Variants in ASIP observed in about 807,000 individuals in gnomAD.
ASIP encodes the protein agouti signaling protein.
Under a neutral mutation model 10.3 loss-of-function variants are expected in ASIP, and 11 were observed. That is an observed-to-expected ratio of 1.07 (90% CI 0.68 to 1.78). The LOEUF (loss-of-function observed/expected upper bound fraction) is 1.78. ASIP is among the 40% of genes most tolerant of loss of function. The pLI is 0.00. For missense variants in ASIP, 180 were observed against 169.2 expected (o/e 1.06, Z -0.35); for synonymous variants, 70 against 70.8 (o/e 0.99, Z 0.06).
intron 1 of ASIP, among the ~76,000 whole-genome samples, chr20:34,250,733 G>A (rs888115525): frequency 6.6e-6 from 1 of 152,100 alleles, no homozygotes; most frequent in African/African-American, 2.4e-5. Context: ...GGAGGTGGAG[G>A]TGCCTTTGCC....
intron 1 of ASIP, among the ~76,000 whole-genome samples, chr20:34,252,814 G>A (rs902506078): frequency 2.6e-5 from 4 of 152,192 alleles, no homozygotes; most frequent in South Asian, 2.1e-4. Context: ...AGGTCCCTGC[G>A]GACATTGTGT....
chr20:34,235,243 C>T (rs528965792), intron 1 of ASIP, among the ~76,000 whole-genome samples: 177 of 152,144 alleles, frequency 1.2e-3, no homozygotes, highest in Non-Finnish European at 2.3e-3. Flanking sequence ...AGTTTGAGAC[C>T]AGCCTGATCA....
chr20:34,256,202 G>A (rs996321661), intron 1 of ASIP, among the ~76,000 whole-genome samples: 4 of 152,222 alleles, frequency 2.6e-5, no homozygotes, highest in Non-Finnish European at 5.9e-5. Flanking sequence ...TGGTGGACAC[G>A]TGACTTGTGT....
At chr20:34,238,928 C>A (rs916168350), upstream of ASIP, among the ~76,000 whole-genome samples, 6 of 152,166 alleles carry the variant, frequency 3.9e-5, no homozygotes, top group African/African-American at 1.4e-4. Flanking sequence ...CTTCAATAGA[C>A]TCCATGGCTT....
At chr20:34,266,091 C>T (rs1003639595) in intron 3 of ASIP, among the ~76,000 whole-genome samples, 5 of 147,588 alleles carry the variant, frequency 3.4e-5, no homozygotes, top group African/African-American at 2.5e-5. Flanking sequence ...CGGTGGCTCA[C>T]GCCTATAATC....
chr20:34,191,921 G>T (rs2034826556), upstream of ASIP, among the ~76,000 whole-genome samples: 1 of 152,048 alleles, frequency 6.6e-6, no homozygotes, highest in Admixed American at 6.5e-5. Flanking sequence ...AATAGAGACG[G>T]GGTTTCACCA....
At chr20:34,210,599 C>T (rs1034642020) in intron 1 of ASIP, among the ~76,000 whole-genome samples, 1 of 152,228 alleles carries the variant, frequency 6.6e-6, no homozygotes, top group African/African-American at 2.4e-5. Flanking sequence ...CAAGCACAAC[C>T]TGCCAGGCTG....
At chr20:34,219,127 G>A (rs1349800696) in intron 1 of ASIP, among the ~76,000 whole-genome samples, 1 of 152,134 alleles carries the variant, frequency 6.6e-6, no homozygotes, top group East Asian at 1.9e-4. Context: ...TAGACTCAAA[G>A]CTCCTAGGGA....
chr20:34,221,077 G>C (rs1315850443), intron 1 of ASIP, among the ~76,000 whole-genome samples: 1 of 150,668 alleles, frequency 6.6e-6, no homozygotes, highest in African/African-American at 2.5e-5. Context: ...AGAGGATGTT[G>C]AAAGGGAAAC....
chr20:34,190,669 C>T (rs184108326), upstream of ASIP, among the ~76,000 whole-genome samples: 1 of 152,298 alleles, frequency 6.6e-6, no homozygotes, highest in Non-Finnish European at 1.5e-5. Context: ...TGTATCTCAT[C>T]AAGGTTTCTG....
intron 1 of ASIP, chr20:34,245,806 G>T: frequency 1.2e-6 from 1 of 808,720 alleles, no homozygotes; most frequent in Non-Finnish European, 1.5e-6. Flanking sequence ...CAGTGAAAAT[G>T]CCAAGGACGA....
chr20:34,211,765 G>A (rs2034976434), intron 1 of ASIP, among the ~76,000 whole-genome samples: 1 of 152,132 alleles, frequency 6.6e-6, no homozygotes, highest in African/African-American at 2.4e-5. Context: ...TTAGCAGTCA[G>A]TCTTACTTTT....
intron 1 of ASIP, among the ~76,000 whole-genome samples, chr20:34,211,193 C>G (rs1379549241): frequency 6.6e-6 from 1 of 152,044 alleles, no homozygotes; most frequent in East Asian, 1.9e-4. Context: ...CCATGCCTGG[C>G]TCGATTTTTA....
intron 1 of ASIP, among the ~76,000 whole-genome samples, chr20:34,255,104 C>A (rs946143407): frequency 2.6e-5 from 4 of 152,128 alleles, no homozygotes; most frequent in Non-Finnish European, 4.4e-5. Context: ...TGATGGTGAA[C>A]TGAGCTTGTA....
chr20:34,260,028 T>C (rs947007252), intron 1 of ASIP, among the ~76,000 whole-genome samples: 1 of 152,012 alleles, frequency 6.6e-6, no homozygotes, highest in Admixed American at 6.6e-5. Flanking sequence ...TGCCCAGGCC[T>C]GGGGTCTCCT....
At chr20:34,268,866 G>GGTGGGCA (rs1229092487) in intron 3 of ASIP, 125 bp from the exon 4 acceptor site, 1 of 1,219,618 alleles carries the variant, frequency 8.2e-7, no homozygotes, top group Non-Finnish European at 1.2e-6. Flanking sequence ...GGCGGTGGGC[G>GGTGGGCA]GTGGGCAAGC....
intron 1 of ASIP, among the ~76,000 whole-genome samples, chr20:34,198,698 C>A (rs796240542): frequency 3.3e-5 from 5 of 152,164 alleles, no homozygotes; most frequent in African/African-American, 1.2e-4. Context: ...GTTGCCCAGG[C>A]TGGTCTCTAA....
intron 1 of ASIP, among the ~76,000 whole-genome samples, chr20:34,201,002 TTCCTTCCTTCCTTCC>T (rs2034891185): frequency 1.5e-5 from 1 of 68,572 alleles, no homozygotes; most frequent in Non-Finnish European, 2.4e-5. Flanking sequence ...CCTTCCTTCC[TTCCTTCCTTCCTTCC>T]TTCTTTCTTT....
At chr20:34,247,449 T>C (rs1256151759) in intron 1 of ASIP, among the ~76,000 whole-genome samples, 2 of 151,054 alleles carry the variant, frequency 1.3e-5, no homozygotes, top group South Asian at 4.2e-4. Context: ...TACAGGCACA[T>C]GCCACCACGC....
Sources: gnomAD v4.1 joint callset for allele counts (sites outside exome capture counted in the v4.1 genomes callset) on GRCh38, gnomAD v4.1.1 for gene constraint, MANE v1.5 for transcripts, NCBI Gene and HGNC (gene_info 2026-07-23, HGNC 2026-07-21) for gene names.